The following NUTM2E variants were observed in gnomAD, a reference collection of about 807,000 sequenced individuals.
The protein encoded by NUTM2E is family with sequence similarity 22, member E.
In NUTM2E, 3 loss-of-function variants were observed where a neutral mutation model predicts 26.1. That is an observed-to-expected ratio of 0.12 (90% CI 0.05 to 0.30). The LOEUF (loss-of-function observed/expected upper bound fraction) is 0.30, where lower values mean the gene tolerates loss of function less well. NUTM2E is among the 10% of genes least tolerant of loss of function. The pLI is 1.00. For missense variants in NUTM2E, 62 were observed against 381.3 expected, an observed-to-expected ratio of 0.16 and a Z score of 6.97; for synonymous variants, 13 against 157.5, an observed-to-expected ratio of 0.08 and a Z score of 6.87.
rs920384435 is a variant in NUTM2E, at chr10:79,837,545, T to C, written c.-2727-764T>C. On this transcript the variant is annotated intron_variant, in intron 1 of 9. Coordinates refer to ENST00000429984, the MANE Select transcript of NUTM2E (RefSeq NM_001355263.2). Reference sequence around the variant, plus strand: ...CATAGAAACCACTAGTTAACACATGTCACGGCTAATAATATCAGGTATTTT... The same window carrying C: ...CATAGAAACCACTAGTTAACACATGCCACGGCTAATAATATCAGGTATTTT... Among the ~76,000 whole-genome samples, 180 of 152,268 alleles carry C rather than the reference T, an allele frequency of 1.2e-3. 2 individuals are homozygous for C. Among genetic ancestry groups the C allele is most frequent in the African/African-American group, 4.2e-3 (176 of 41,554 alleles).
intron 1 of NUTM2E, among the ~76,000 whole-genome samples, chr10:79,828,069 A>T (rs1841900248): frequency 6.6e-6 from 1 of 151,588 alleles, no homozygotes; most frequent in Non-Finnish European, 1.5e-5. Flanking sequence ...TGCTGGGATT[A>T]CAGGCGTGAG....
In NUTM2E at chr10:79,849,816, C is replaced by T. The variant is rs1451541182; in HGVS notation, c.1852-5C>T. The T allele has an allele frequency of 1.8e-5, 13 of 734,154 alleles. 2 individuals carry two copies. Among genetic ancestry groups the T allele is most frequent in the Admixed American group, 3.1e-5 (1 of 32,202 alleles). 45.5% of individuals were successfully genotyped at this position (734,154 alleles called of 1,614,324 possible). A position where few individuals can be genotyped will look rare whatever the true frequency, so the allele number is the denominator to read the frequency against. ...TGCCAGTAAGTGCCCCCTTTCCTCC[C>T]GCAGCTAGTGGAGAAGCGCCTCCCA... On this transcript the variant is annotated splice_region_variant and splice_polypyrimidine_tract_variant and intron_variant, in intron 9 of 9. Coordinates refer to ENST00000429984, the MANE Select transcript of NUTM2E (RefSeq NM_001355263.2).
rs1237292415 is a variant in NUTM2E, at chr10:79,826,894, G to C, written c.-3191G>C. The C allele has an allele frequency of 6.6e-6, 1 of 151,296 alleles. No homozygotes were observed. Among genetic ancestry groups the C allele is most frequent in the Non-Finnish European group, 1.5e-5 (1 of 67,754 alleles). The allele number at this position is 151,296 out of a possible 1,614,324, so 9.4% of individuals were successfully genotyped here. A position where few individuals can be genotyped will look rare whatever the true frequency, so the allele number is the denominator to read the frequency against. ...ACGGGCCCGCGGCATCGTCCGCGAC[G>C]CAGCTCGGGATCCGGGTCGGGGTGT... On this transcript the variant is annotated 5_prime_UTR_variant, in exon 1 of 10. Transcript: ENST00000429984.
intron 1 of NUTM2E, among the ~76,000 whole-genome samples, chr10:79,828,041 C>A (rs1406079564): frequency 6.6e-6 from 1 of 151,456 alleles, no homozygotes; most frequent in Non-Finnish European, 1.5e-5. Flanking sequence ...GTGATACGCC[C>A]ACCTCGGCCT....
Position 79,838,840 on chromosome 10 carries a change from C to T in NUTM2E, c.-2389C>T, listed in dbSNP as rs1744228. On this transcript the variant is annotated 5_prime_UTR_variant, in exon 3 of 10. Coordinates refer to ENST00000429984, the MANE Select transcript of NUTM2E (RefSeq NM_001355263.2). ...GTTGGGTCACCGCCCTTTGCTCTCGCGCTGCGCGTCTCCCTGCCATCAACC... is the reference window on the plus strand; with the variant it reads ...GTTGGGTCACCGCCCTTTGCTCTCGTGCTGCGCGTCTCCCTGCCATCAACC... 0.026 allele frequency among the ~76,000 whole-genome samples: 3,892 copies of T among 151,098 alleles called. 52 individuals carry two copies. The highest frequency in any genetic ancestry group is 0.039 in the Non-Finnish European group (2,602 of 67,524).
intron 1 of NUTM2E, among the ~76,000 whole-genome samples, chr10:79,834,969 CTT>C (rs1270468887): frequency 1.3e-5 from 2 of 151,696 alleles, no homozygotes; most frequent in Non-Finnish European, 2.9e-5. Context: ...TTATCTGTCT[CTT>C]AATCCATCCA....
At chr10:79,829,094 T>G (rs1303856248) in intron 1 of NUTM2E, among the ~76,000 whole-genome samples, 2 of 151,854 alleles carry the variant, frequency 1.3e-5, no homozygotes, top group Non-Finnish European at 2.9e-5. Flanking sequence ...ACAATAGCAG[T>G]TTGCTTTCAG....
rs1841992767 is a variant in NUTM2E, at chr10:79,840,620, C to T, written c.-1121C>T. 6.7e-6 allele frequency among the ~76,000 whole-genome samples: 1 copy of T among 150,056 alleles called. No individual in the cohort carries two copies. The highest frequency in any genetic ancestry group is 2.5e-5 in the African/African-American group (1 of 40,704). On this transcript the variant is annotated 5_prime_UTR_variant, in exon 4 of 10. Coordinates refer to ENST00000429984, the MANE Select transcript of NUTM2E (RefSeq NM_001355263.2). ...CTTGAGACTTGCAATCCACCACTTG[C>T]CCCTGCCCCTGCCCCTGCAGTGTGG...
intron 4 of NUTM2E, among the ~76,000 whole-genome samples, chr10:79,843,959 CAG>C (rs1013394879): frequency 1.4e-4 from 19 of 140,216 alleles, no homozygotes; most frequent in South Asian, 9.5e-4. Context: ...TCTTGGGAGA[CAG>C]GGGTCAGGGA....
intron 1 of NUTM2E, among the ~76,000 whole-genome samples, chr10:79,837,263 T>C (rs1841969628): frequency 6.6e-6 from 1 of 151,990 alleles, no homozygotes; most frequent in African/African-American, 2.4e-5. Context: ...AGAGCTAATG[T>C]AGAATTATGA....
At chr10:79,835,575 G>C (rs1194315990) in intron 1 of NUTM2E, among the ~76,000 whole-genome samples, 1 of 101,434 alleles carries the variant, frequency 9.9e-6, no homozygotes, top group Admixed American at 1.2e-4. Flanking sequence ...TTTACATGTG[G>C]CAGCTCAAAC....
At chr10:79,829,549 C>T (rs577878518) in intron 1 of NUTM2E, among the ~76,000 whole-genome samples, 1 of 152,044 alleles carries the variant, frequency 6.6e-6, no homozygotes, top group East Asian at 1.9e-4. Flanking sequence ...CACTTGCAAG[C>T]CTTCAGAGGA....
At chr10:79,837,115 A>G (rs1166667867) in intron 1 of NUTM2E, among the ~76,000 whole-genome samples, 3 of 151,990 alleles carry the variant, frequency 2.0e-5, no homozygotes, top group African/African-American at 7.2e-5. Flanking sequence ...GCAGGCTCAC[A>G]GTGACTTTTT....
At chr10:79,833,322 G>A (rs376895336) in intron 1 of NUTM2E, among the ~76,000 whole-genome samples, 3 of 151,396 alleles carry the variant, frequency 2.0e-5, no homozygotes, top group Non-Finnish European at 4.4e-5. Flanking sequence ...TACTCACTCC[G>A]ATATTGGACC....
rs1483316050 is a variant in NUTM2E, at chr10:79,840,603, T to C, written c.-1138T>C. ...TGGGGGAGAACCCTGGGCTTGAGACTTGCAATCCACCACTTGCCCCTGCCC... is the reference window on the plus strand; with the variant it reads ...TGGGGGAGAACCCTGGGCTTGAGACCTGCAATCCACCACTTGCCCCTGCCC... On this transcript the variant is annotated 5_prime_UTR_variant, in exon 4 of 10. Transcript: ENST00000429984. 6.7e-6 allele frequency among the ~76,000 whole-genome samples: 1 copy of C among 148,476 alleles called. No homozygotes were observed.
At chr10:79,836,070 AC>A (rs1841960937) in intron 1 of NUTM2E, among the ~76,000 whole-genome samples, 1 of 151,500 alleles carries the variant, frequency 6.6e-6, no homozygotes, top group Non-Finnish European at 1.5e-5. Flanking sequence ...TGATTTACCA[AC>A]TTTTAGACTT....
At position 79,840,803 on chromosome 10, in the gene NUTM2E, G is replaced by A. The variant is rs1356343715; in HGVS notation, c.-938G>A. 4.1e-5 allele frequency among the ~76,000 whole-genome samples: 5 copies of A among 122,006 alleles called. No individual in the cohort carries two copies. The highest frequency in any genetic ancestry group is 1.7e-4 in the Admixed American group (2 of 11,484). 80.0% of individuals were successfully genotyped at this position (122,006 alleles called of 152,430 possible). A position where few individuals can be genotyped will look rare whatever the true frequency, so the allele number is the denominator to read the frequency against. On this transcript the variant is annotated 5_prime_UTR_variant, in exon 4 of 10. The change creates a new upstream start codon in the 5' untranslated region. Transcript: ENST00000429984. ...TTCCCTTCCCCAACACCCTCCCATC[G>A]TGCAAAATTACCCTGCCCAGCAGGG...
chr10:79,830,517 G>GT (rs1841921100), intron 1 of NUTM2E, among the ~76,000 whole-genome samples: 1 of 151,694 alleles, frequency 6.6e-6, no homozygotes, highest in African/African-American at 2.4e-5. Context: ...GTCAATGAAA[G>GT]TAATAATAAT....
chr10:79,835,232 AT>A (rs1841956396), intron 1 of NUTM2E, among the ~76,000 whole-genome samples: 2 of 30,962 alleles, frequency 6.5e-5, no homozygotes, highest in Non-Finnish European at 2.9e-4. Flanking sequence ...GGGCTCTGTC[AT>A]GACTGATTGA....
Sources: gnomAD v4.1 joint callset for allele counts (sites outside exome capture counted in the v4.1 genomes callset) on GRCh38, gnomAD v4.1.1 for gene constraint, MANE v1.5 for transcripts, NCBI Gene and HGNC (gene_info 2026-07-23, HGNC 2026-07-21) for gene names.